Variants in PACSIN3 observed in about 807,000 individuals in gnomAD.
PACSIN3 encodes the protein protein kinase C and casein kinase substrate in neurons 3.
PACSIN3 carries 34 observed loss-of-function variants against 56.1 expected under a neutral mutation model. That is an observed-to-expected ratio of 0.61 (90% CI 0.46 to 0.81). PACSIN3 has a LOEUF of 0.81. PACSIN3 is among the 30% of genes least tolerant of loss of function. PACSIN3 has a pLI of 0.00. For synonymous variants in PACSIN3, 218 were observed against 229.8 expected (o/e 0.95, Z 0.46); for missense variants, 535 against 592.4 (o/e 0.90, Z 1.01).
rs747168588 is a variant in PACSIN3, at chr11:47,178,044, C to T, written c.1162G>A (p.Glu388Lys). 6.2e-7 allele frequency: 1 copy of T among 1,613,186 alleles called. No homozygotes were observed. Among genetic ancestry groups the T allele is most frequent in the East Asian group, 2.2e-5 (1 of 44,870 alleles). ...EADELSFRAG[E>K]ELLKMSEEDE... ...TCCTCACTCATCTTCAGCAGCTCCTCCCCTGGGGGAAAGGGGATTGGTCAC... is the reference window on the plus strand; with the variant it reads ...TCCTCACTCATCTTCAGCAGCTCCTTCCCTGGGGGAAAGGGGATTGGTCAC... Residue 388 changes from glutamate to lysine, a missense_variant and splice_region_variant, in exon 11 of 11, where the codon GAG becomes AAG. Glu to Lys is a moderately conservative substitution (Grantham distance 56, BLOSUM62 1). Coordinates refer to ENST00000298838, the MANE Select transcript of PACSIN3 (RefSeq NM_016223.5). This position sits in a 1 kb window ranked among gnomAD's most constrained non-coding sequence, Gnocchi z 4.2.
chr11:47,180,040 C>G, intron 6 of PACSIN3, 146 bp downstream of exon 6: 1 of 769,530 alleles, frequency 1.3e-6, no homozygotes, highest in Admixed American at 2.4e-5. Context: ...CAGGTTCCTC[C>G]TTTAAATGAT....
In PACSIN3 at chr11:47,178,102, C is replaced by A. The variant is rs1466109557; in HGVS notation, c.1160-56G>T. 2 of 1,466,218 alleles carry A rather than the reference C, an allele frequency of 1.4e-6. No individual in the cohort carries two copies. Among genetic ancestry groups the A allele is most frequent in the African/African-American group, 1.4e-5 (1 of 71,620 alleles). The allele number at this position is 1,466,218 out of a possible 1,614,324, so 90.8% of individuals were successfully genotyped here. On this transcript the variant is annotated intron_variant, in intron 10 of 10. Coordinates refer to ENST00000298838, the MANE Select transcript of PACSIN3 (RefSeq NM_016223.5). The surrounding 1 kb of genome is among the most constrained non-coding windows in gnomAD (Gnocchi z 4.2). ...GGCCCTGGCCCAGGCCCTGTTCCTG[C>A]AACTGGGTCAAGGACTGAGGGGGAT...
At chr11:47,182,028 T>C (rs905368553) in intron 4 of PACSIN3, among the ~76,000 whole-genome samples, 2 of 151,378 alleles carry the variant, frequency 1.3e-5, no homozygotes, top group Non-Finnish European at 2.9e-5. Context: ...GGTGGGTGCC[T>C]GTAATCCCAG....
At position 47,180,435 on chromosome 11, in the gene PACSIN3, C is replaced by A. The variant is rs1240705435; in HGVS notation, c.447+20G>T. The A allele has an allele frequency of 5.0e-6, 8 of 1,590,834 alleles. No homozygotes were observed. Among genetic ancestry groups the A allele is most frequent in the Non-Finnish European group, 6.8e-6 (8 of 1,170,682 alleles). ...AACAGGAAGGAGCCTGTCTCGGATA[C>A]CTCCCCCACCCAGCCTCACCTCCTT... is the stretch of plus-strand genomic sequence containing the variant. On this transcript the variant is annotated intron_variant, in intron 5 of 10. Coordinates refer to ENST00000298838, the MANE Select transcript of PACSIN3 (RefSeq NM_016223.5).
In PACSIN3 at chr11:47,179,258, G is replaced by C; in HGVS notation, c.801C>G (p.Asp267Glu). 1 of 1,614,060 alleles carries C rather than the reference G, an allele frequency of 6.2e-7. No individual in the cohort carries two copies. Among genetic ancestry groups the C allele is most frequent in the Non-Finnish European group, 8.5e-7 (1 of 1,180,040 alleles). ...TGGCTGCCTCAATGCCCTGGTGCAA[G>C]TCACGGTGGAGTTCATGGAACCTAT... ...SSEKFHELHR[D>E]LHQGIEAASD... is the part of the protein sequence containing the mutation. The change falls in exon 8 of 11, where the codon GAC (aspartate) becomes GAG (glutamate). Residue 267 changes from aspartate (D) to glutamate (E), a missense_variant. Transcript: ENST00000298838. This position sits in a 1 kb window ranked among gnomAD's most constrained non-coding sequence, Gnocchi z 4.4.
intron 1 of PACSIN3, chr11:47,184,282 T>A (rs1473211687): frequency 1.3e-5 from 2 of 152,426 alleles, no homozygotes; most frequent in East Asian, 1.9e-4. Flanking sequence ...GTCACAGCGC[T>A]TCCTCCAAAC....
rs111568595 is a variant in PACSIN3, at chr11:47,177,847, C to T, written c.*84G>A. ...GAGGAGCAGCCAGAGAGCGACGGTTCAGGGCCCTGAGGGTCCGGCTCTCCA... is the reference window on the plus strand; with the variant it reads ...GAGGAGCAGCCAGAGAGCGACGGTTTAGGGCCCTGAGGGTCCGGCTCTCCA... On this transcript the variant is annotated 3_prime_UTR_variant, in exon 11 of 11. Transcript: ENST00000298838. 8.5e-6 allele frequency: 9 copies of T among 1,063,312 alleles called. No individual in the cohort carries two copies. The highest frequency in any genetic ancestry group is 3.1e-5 in the African/African-American group (2 of 64,306). 65.9% of individuals were successfully genotyped at this position (1,063,312 alleles called of 1,614,324 possible).
Position 47,177,755 on chromosome 11 carries a change from C to A in PACSIN3, c.*176G>T, listed in dbSNP as rs1049496109. On this transcript the variant is annotated 3_prime_UTR_variant, in exon 11 of 11. Transcript: ENST00000298838. ...TCAGCCTAGACTCGTCCCTTCCCTACCAGTCCCTTCCCTAGACAAAGGCCC... is the reference window on the plus strand; with the variant it reads ...TCAGCCTAGACTCGTCCCTTCCCTAACAGTCCCTTCCCTAGACAAAGGCCC... 5 of 634,068 alleles carry A rather than the reference C, an allele frequency of 7.9e-6. No homozygotes were observed. The African/African-American group carries it at 9.2e-5, about 12-fold the overall frequency. The allele number at this position is 634,068 out of a possible 1,614,324, so 39.3% of individuals were successfully genotyped here.
intron 4 of PACSIN3, among the ~76,000 whole-genome samples, chr11:47,182,143 CAA>C (rs372259328): frequency 2.0e-4 from 11 of 54,526 alleles, no homozygotes; most frequent in Admixed American, 6.0e-4. Flanking sequence ...CAAAACGTCT[CAA>C]AAAAAAAAAA....
In PACSIN3 at chr11:47,177,741, T is replaced by C. The variant is rs1304959632; in HGVS notation, c.*190A>G. 1.3e-5 allele frequency: 8 copies of C among 611,638 alleles called. No homozygotes were observed. Among genetic ancestry groups the C allele is most frequent in the Non-Finnish European group, 2.3e-5 (8 of 346,464 alleles). 37.9% of individuals were successfully genotyped at this position (611,638 alleles called of 1,614,324 possible). A position where few individuals can be genotyped will look rare whatever the true frequency, so the allele number is the denominator to read the frequency against. ...CTCCCATCTTGCCCTCAGCCTAGAC[T>C]CGTCCCTTCCCTACCAGTCCCTTCC... On this transcript the variant is annotated 3_prime_UTR_variant, in exon 11 of 11. Transcript: ENST00000298838.
At chr11:47,182,819 G>C (rs568927214) in intron 2 of PACSIN3, 55 bp from the exon 3 acceptor site, 13,987 of 1,375,598 alleles carry the variant, frequency 0.01, 122 homozygotes, top group Non-Finnish European at 0.012. Flanking sequence ...TCTGGGGATA[G>C]GAAAAGACCC....
At position 47,180,569 on chromosome 11, in the gene PACSIN3, G is replaced by A. The variant is rs2291445; in HGVS notation, c.333C>T (p.Arg111=). ...GGTGGAAAGCCCCCCGCTGCCAGGC[G>A]CGCACCCGCTCACTGTCCTGCCCTT... The part of the protein sequence containing the change: ...KLQGQDSERV[R]AWQRGAFHRP... The change falls in exon 5 of 11, where the codon CGC becomes CGT. Residue 111 remains arginine, a synonymous_variant. Transcript: ENST00000298838. The A allele has an allele frequency of 6.0e-3, 9,641 of 1,604,000 alleles. 373 individuals are homozygous for A. The East Asian group carries it at 0.088, about 15-fold the overall frequency.
chr11:47,186,377 G>C lies in PACSIN3; in HGVS notation c.-132C>G, dbSNP rs933364275. 1.3e-5 allele frequency: 2 copies of C among 151,368 alleles called. No homozygotes were observed. Among genetic ancestry groups the C allele is most frequent in the African/African-American group, 4.8e-5 (2 of 41,342 alleles). The allele number at this position is 151,368 out of a possible 1,614,324, so 9.4% of individuals were successfully genotyped here. Reference sequence around the variant, plus strand: ...GTCCTCCCTGGGCCCCTCGGCGGGTGGGGGTCCGGCCACGCTCCGGCCCGA... The same window carrying C: ...GTCCTCCCTGGGCCCCTCGGCGGGTCGGGGTCCGGCCACGCTCCGGCCCGA... On this transcript the variant is annotated 5_prime_UTR_variant, in exon 1 of 11. Coordinates refer to ENST00000298838, the MANE Select transcript of PACSIN3 (RefSeq NM_016223.5). This position sits in a 1 kb window ranked among gnomAD's most constrained non-coding sequence, Gnocchi z 4.5.
chr11:47,177,862 C>A lies in PACSIN3; in HGVS notation c.*69G>T. The A allele has an allele frequency of 1.6e-6, 2 of 1,235,868 alleles. No individual in the cohort carries two copies. Among genetic ancestry groups the A allele is most frequent in the South Asian group, 2.4e-5 (2 of 82,830 alleles). 76.6% of individuals were successfully genotyped at this position (1,235,868 alleles called of 1,614,324 possible). ...AGCGACGGTTCAGGGCCCTGAGGGT[C>A]CGGCTCTCCAGGAGAAGCTGGGCTC... On this transcript the variant is annotated 3_prime_UTR_variant, in exon 11 of 11. Coordinates refer to ENST00000298838, the MANE Select transcript of PACSIN3 (RefSeq NM_016223.5).
In PACSIN3 at chr11:47,178,372, G is replaced by C; in HGVS notation, c.1153C>G (p.Arg385Gly). The change falls in exon 10 of 11, where the codon CGA becomes GGA. Residue 385 changes from arginine to glycine, a missense_variant. Coordinates refer to ENST00000298838, the MANE Select transcript of PACSIN3 (RefSeq NM_016223.5). The surrounding 1 kb of genome is among the most constrained non-coding windows in gnomAD (Gnocchi z 4.2). ...AGQEADELSF[R>G]AGEELLKMSE... Reference sequence around the variant, plus strand: ...GAAAGGGGTCCCAGGGTACCTGCTCGGAAGCTCAGCTCATCAGCTTCCTGG... The same window carrying C: ...GAAAGGGGTCCCAGGGTACCTGCTCCGAAGCTCAGCTCATCAGCTTCCTGG... 6.2e-7 allele frequency: 1 copy of C among 1,613,960 alleles called. No homozygotes were observed. The highest frequency in any genetic ancestry group is 8.5e-7 in the Non-Finnish European group (1 of 1,179,958).
chr11:47,178,273 C>A lies in PACSIN3; in HGVS notation c.1159+93G>T. The A allele has an allele frequency of 6.7e-7, 1 of 1,502,990 alleles. No homozygotes were observed. The highest frequency in any genetic ancestry group is 9.1e-7 in the Non-Finnish European group (1 of 1,096,148). The allele number at this position is 1,502,990 out of a possible 1,614,324, so 93.1% of individuals were successfully genotyped here. A position where few individuals can be genotyped will look rare whatever the true frequency, so the allele number is the denominator to read the frequency against. On this transcript the variant is annotated intron_variant, in intron 10 of 10. Coordinates refer to ENST00000298838, the MANE Select transcript of PACSIN3 (RefSeq NM_016223.5). The surrounding 1 kb of genome is among the most constrained non-coding windows in gnomAD (Gnocchi z 4.2). Reference sequence around the variant, plus strand: ...AACAGCTGAAGGGACAGAGGACTGGCCCTTAAGAAGTGGGTATTTGGCTTC... The same window carrying A: ...AACAGCTGAAGGGACAGAGGACTGGACCTTAAGAAGTGGGTATTTGGCTTC...
At chr11:47,180,827 G>T in intron 4 of PACSIN3, 137 bp from the exon 5 acceptor site, 1 of 660,718 alleles carries the variant, frequency 1.5e-6, no homozygotes, top group Non-Finnish European at 2.6e-6. Context: ...TGTCAGCTGG[G>T]CTTATTGAAT....
Position 47,177,760 on chromosome 11 carries a change from C to A in PACSIN3, c.*171G>T. 3.1e-6 allele frequency: 2 copies of A among 642,938 alleles called. No individual in the cohort carries two copies. Among genetic ancestry groups the A allele is most frequent in the South Asian group, 1.8e-5 (1 of 56,332 alleles). The allele number at this position is 642,938 out of a possible 1,614,324, so 39.8% of individuals were successfully genotyped here. On this transcript the variant is annotated 3_prime_UTR_variant, in exon 11 of 11. Coordinates refer to ENST00000298838, the MANE Select transcript of PACSIN3 (RefSeq NM_016223.5). ...CTAGACTCGTCCCTTCCCTACCAGTCCCTTCCCTAGACAAAGGCCCCTCCC... is the reference window on the plus strand; with the variant it reads ...CTAGACTCGTCCCTTCCCTACCAGTACCTTCCCTAGACAAAGGCCCCTCCC...
At chr11:47,180,772 G>A (rs1412476812) in intron 4 of PACSIN3, 82 bp from the exon 5 acceptor site, 3 of 1,105,528 alleles carry the variant, frequency 2.7e-6, no homozygotes, top group Middle Eastern at 2.1e-4. Context: ...GTGAGGCATG[G>A]AGGCATGGGG....
Sources: gnomAD v4.1 joint callset for allele counts (sites outside exome capture counted in the v4.1 genomes callset) on GRCh38, gnomAD v4.1.1 for gene constraint, Gnocchi (gnomAD v3.1) non-coding constraint, MANE v1.5 for transcripts, NCBI Gene and HGNC (gene_info 2026-07-23, HGNC 2026-07-21) for gene names.